Variants in DCHS2 observed in about 807,000 individuals in gnomAD.
The protein encoded by DCHS2 is protocadherin-23.
DCHS2 carries 142 observed loss-of-function variants against 182.4 expected under a neutral mutation model. The ratio of observed to expected loss-of-function variants is 0.78; its 90% CI spans 0.68 to 0.89. The LOEUF (loss-of-function observed/expected upper bound fraction) is 0.89. Among genes scored for constraint, DCHS2 ranks in the 40% least tolerant of loss-of-function variants. The pLI is 0.00. For missense variants in DCHS2, 4,319 were observed against 4,198.6 expected (o/e 1.03, Z -0.79); for synonymous variants, 1,740 against 1,663.3 (o/e 1.05, Z -1.12).
chr4:154,354,647 T>C (rs994585955), intron 3 of DCHS2: 3 of 152,216 alleles, frequency 2.0e-5, no homozygotes, highest in African/African-American at 7.2e-5. Flanking sequence ...TCCTTAAATA[T>C]CACTTTCACC....
chr4:154,251,023 T>C (rs753854335), intron 16 of DCHS2, among the ~76,000 whole-genome samples: 85 of 152,238 alleles, frequency 5.6e-4, no homozygotes, highest in Non-Finnish European at 9.4e-4. Context: ...CCCCAAATCC[T>C]TTTTATTCCC....
intron 1 of DCHS2, among the ~76,000 whole-genome samples, chr4:154,403,301 G>A (rs1290534482): frequency 6.6e-6 from 1 of 152,072 alleles, no homozygotes; most frequent in African/African-American, 2.4e-5. Context: ...ATAAATTTTG[G>A]GTAGATGCCC....
chr4:154,383,430 C>A (rs548810466), intron 1 of DCHS2, among the ~76,000 whole-genome samples: 1 of 152,250 alleles, frequency 6.6e-6, no homozygotes, highest in South Asian at 2.1e-4. Flanking sequence ...AATACACTCA[C>A]ATGACAAATC....
chr4:154,331,548 C>T (rs1453966243), intron 5 of DCHS2: 10 of 1,575,124 alleles, frequency 6.3e-6, no homozygotes, highest in Non-Finnish European at 8.6e-6. Flanking sequence ...AGCCATGTGC[C>T]CTGTGAAAAC....
chr4:154,353,866 C>T (rs1729734426), intron 3 of DCHS2, among the ~76,000 whole-genome samples: 2 of 152,208 alleles, frequency 1.3e-5, no homozygotes, highest in Admixed American at 1.3e-4. Context: ...CTAAGAATTG[C>T]ATTTTTAACA....
chr4:154,333,626 G>T, intron 4 of DCHS2, 132 bp from the exon 5 acceptor site: 2 of 855,860 alleles, frequency 2.3e-6, no homozygotes, highest in Non-Finnish European at 3.5e-6. Context: ...CATATACTAT[G>T]ATGGTTCCGT....
intron 12 of DCHS2, among the ~76,000 whole-genome samples, chr4:154,302,011 C>G (rs2111292039): frequency 6.6e-6 from 1 of 152,120 alleles, no homozygotes; most frequent in South Asian, 2.1e-4. Context: ...AAACTGAGAC[C>G]TTATGTTCAT....
intron 13 of DCHS2, chr4:154,272,105 A>G (rs1481997352): frequency 1.3e-5 from 2 of 152,144 alleles, no homozygotes; most frequent in African/African-American, 2.4e-5. Flanking sequence ...AATTCATACA[A>G]TTGTTATTGC....
intron 1 of DCHS2, among the ~76,000 whole-genome samples, chr4:154,382,240 A>C (rs948895770): frequency 2.0e-5 from 3 of 152,204 alleles, no homozygotes; most frequent in Non-Finnish European, 4.4e-5. Flanking sequence ...CAGAGGATTG[A>C]AACTGGTTGC....
At chr4:154,271,055 C>CA (rs1401616945) in intron 13 of DCHS2, among the ~76,000 whole-genome samples, 1 of 152,072 alleles carries the variant, frequency 6.6e-6, no homozygotes, top group Non-Finnish European at 1.5e-5. Flanking sequence ...GTTACGGGAA[C>CA]AGACTAAATA....
chr4:154,259,767 T>C lies in DCHS2; in HGVS notation c.6578-11A>G, dbSNP rs1413825380. 7 of 1,585,348 alleles carry C rather than the reference T, an allele frequency of 4.4e-6. No individual in the cohort carries two copies. Among genetic ancestry groups the C allele is most frequent in the African/African-American group, 1.4e-5 (1 of 73,274 alleles). ...TCACAGTGAGTTGTCCTATTTTTAT[T>C]TCCAAGGAGAAAAAAAAGAAAATGA... On this transcript the variant is annotated splice_polypyrimidine_tract_variant and intron_variant, in intron 14 of 19. Transcript: ENST00000357232.
intron 7 of DCHS2, among the ~76,000 whole-genome samples, chr4:154,327,765 A>T (rs1219507081): frequency 6.6e-6 from 1 of 152,138 alleles, no homozygotes; most frequent in Admixed American, 6.5e-5. Flanking sequence ...CTTAATACCA[A>T]TTCTTATCCC....
Position 154,335,036 on chromosome 4 carries a change from G to C in DCHS2, c.2545C>G (p.Gln849Glu). 1 of 1,613,970 alleles carries C rather than the reference G, an allele frequency of 6.2e-7. No individual in the cohort carries two copies. Among genetic ancestry groups the C allele is most frequent in the Non-Finnish European group, 8.5e-7 (1 of 1,179,880 alleles). Residue 849 changes from glutamine to glutamate, a missense_variant, in exon 4 of 20, where the codon CAA (glutamine) becomes GAA (glutamate). Coordinates refer to ENST00000357232, the MANE Select transcript of DCHS2 (RefSeq NM_001358235.2). ...STTLSLMVSA[Q>E]DGGGLTAVIN... is the part of the protein sequence containing the mutation. ...ACAGCTGTGAGCCCACCACCGTCTT[G>C]AGCAGAGACCATCAACGAAAGTGTG...
At chr4:154,269,009 C>T (rs1219519635) in intron 14 of DCHS2, 1 of 152,138 alleles carries the variant, frequency 6.6e-6, no homozygotes, top group Non-Finnish European at 1.5e-5. Flanking sequence ...GACACCTGGA[C>T]TGCAAGAAAA....
intron 7 of DCHS2, chr4:154,323,323 G>A (rs12500437): frequency 6.5e-7 from 1 of 1,545,064 alleles, no homozygotes. Context: ...CAGAGGCATA[G>A]GTCTAGCTGC....
chr4:154,243,606 G>A (rs1731941661), intron 16 of DCHS2, among the ~76,000 whole-genome samples: 1 of 152,148 alleles, frequency 6.6e-6, no homozygotes, highest in Admixed American at 6.6e-5. Flanking sequence ...TTGTCTGGGA[G>A]TGAAGAATTT....
rs770711245 is a variant in DCHS2, at chr4:154,269,999, T to C, written c.6478A>G (p.Thr2160Ala). 1.6e-5 allele frequency: 26 copies of C among 1,608,816 alleles called. No homozygotes were observed. Among genetic ancestry groups the C allele is most frequent in the Non-Finnish European group, 2.1e-5 (25 of 1,178,344 alleles). The change falls in exon 14 of 20, where the codon ACT becomes GCT. Residue 2160 changes from threonine to alanine, a missense_variant. Physicochemically the swap from Thr to Ala is moderately conservative, Grantham distance 58. Coordinates refer to ENST00000357232, the MANE Select transcript of DCHS2 (RefSeq NM_001358235.2). ...ENCEAGTSIV[T>A]VKAFAPDSIQ... ...GAGTCAGGAGCAAAAGCTTTAACAGTCACAATAGAAGTACCTGTAAAAATT... is the reference window on the plus strand; with the variant it reads ...GAGTCAGGAGCAAAAGCTTTAACAGCCACAATAGAAGTACCTGTAAAAATT...
At chr4:154,464,683 G>A (rs756607709) in intron 1 of DCHS2, among the ~76,000 whole-genome samples, 12 of 152,152 alleles carry the variant, frequency 7.9e-5, no homozygotes, top group Non-Finnish European at 1.6e-4. Flanking sequence ...TTCTTTCCAT[G>A]GGAACTTACA....
intron 10 of DCHS2, among the ~76,000 whole-genome samples, chr4:154,310,063 C>T (rs1735612121): frequency 1.3e-5 from 2 of 152,100 alleles, no homozygotes; most frequent in Admixed American, 1.3e-4. Flanking sequence ...ATAATAAATA[C>T]CTTGTAAGGA....
Sources: gnomAD v4.1 joint callset for allele counts (sites outside exome capture counted in the v4.1 genomes callset) on GRCh38, gnomAD v4.1.1 for gene constraint, MANE v1.5 for transcripts, NCBI Gene and HGNC (gene_info 2026-07-23, HGNC 2026-07-21) for gene names.